WDR47: variants seen among roughly 807,000 people sequenced by gnomAD.
WDR47 encodes WD repeat-containing protein 47.
WDR47 carries 32 observed loss-of-function variants against 97.2 expected under a neutral mutation model. That is an observed-to-expected ratio of 0.33 (90% confidence interval 0.25 to 0.44). The LOEUF is 0.44. Among genes scored for constraint, WDR47 ranks in the 20% least tolerant of loss-of-function variants. The probability of loss-of-function intolerance (pLI) is 1.00; values close to 1 mark genes in which losing one functional copy is unlikely to be tolerated. For missense variants in WDR47, 782 were observed against 1,102.3 expected (o/e 0.71, Z 4.11); for synonymous variants, 375 against 373.5 (o/e 1.00, Z -0.05).
chr1:108,996,770 T>C (rs970143699), intron 7 of WDR47, among the ~76,000 whole-genome samples: 9 of 152,348 alleles, frequency 5.9e-5, no homozygotes, highest in Non-Finnish European at 2.9e-5. Context: ...TGACTCCATA[T>C]TGAGATCAGG....
intron 5 of WDR47, among the ~76,000 whole-genome samples, chr1:109,009,916 T>A (rs1660905552): frequency 6.6e-6 from 1 of 151,936 alleles, no homozygotes; most frequent in African/African-American, 2.4e-5. Context: ...GAGAATTGCT[T>A]GAACCCGGGA....
At chr1:109,034,877 T>C (rs911387987) in intron 1 of WDR47, among the ~76,000 whole-genome samples, 3 of 152,132 alleles carry the variant, frequency 2.0e-5, no homozygotes, top group African/African-American at 7.2e-5. Flanking sequence ...CAGCTATCAA[T>C]AAATATTTGT....
Position 109,010,903 on chromosome 1 carries a change from AC to A in WDR47, c.1130+12del, listed in dbSNP as rs760817418. The A allele has an allele frequency of 6.3e-7, 1 of 1,595,672 alleles. No individual in the cohort carries two copies. The highest frequency in any genetic ancestry group is 1.1e-5 in the South Asian group (1 of 88,492). On this transcript the variant is annotated intron_variant, in intron 5 of 14. Coordinates refer to ENST00000369962, the MANE Select transcript of WDR47 (RefSeq NM_001142551.2). ...GGCCTAAGATTTCCTAATTTTTATAACCAAATGCTTACCGCTCAGGGGATTC... is the reference window on the plus strand; with the variant it reads ...GGCCTAAGATTTCCTAATTTTTATAACAAATGCTTACCGCTCAGGGGATTC...
At chr1:109,037,487 T>A (rs35978562) in intron 1 of WDR47, among the ~76,000 whole-genome samples, 7 of 151,098 alleles carry the variant, frequency 4.6e-5, no homozygotes, top group African/African-American at 1.5e-4. Flanking sequence ...TTAGCCGGGC[T>A]TGGTGGCGGG....
chr1:108,976,653 G>T (rs1017092393), intron 13 of WDR47, among the ~76,000 whole-genome samples: 4 of 151,894 alleles, frequency 2.6e-5, no homozygotes, highest in African/African-American at 9.7e-5. Context: ...ATAGTGATAA[G>T]AGTTCAGTAA....
At chr1:109,001,442 C>A (rs1660181233) in intron 7 of WDR47, among the ~76,000 whole-genome samples, 1 of 151,656 alleles carries the variant, frequency 6.6e-6, no homozygotes, top group African/African-American at 2.4e-5. Flanking sequence ...TACAGCAAAT[C>A]AAAAAAAATC....
intron 13 of WDR47, among the ~76,000 whole-genome samples, chr1:108,980,943 T>G (rs1186835239): frequency 6.6e-6 from 1 of 151,972 alleles, no homozygotes; most frequent in East Asian, 1.9e-4. Context: ...CTGGCCAACA[T>G]GGTGAAACCC....
intron 9 of WDR47, among the ~76,000 whole-genome samples, chr1:108,989,058 C>A (rs1250237047): frequency 6.6e-6 from 1 of 152,090 alleles, no homozygotes; most frequent in East Asian, 1.9e-4. Context: ...CGCCTAGCCT[C>A]ATTTTTACTT....
chr1:109,021,842 T>C (rs112265858), intron 2 of WDR47, among the ~76,000 whole-genome samples: 1 of 151,700 alleles, frequency 6.6e-6, no homozygotes, highest in Non-Finnish European at 1.5e-5. Context: ...TAATTTATTA[T>C]TTATTTAATT....
At chr1:109,024,452 C>CA (rs369765831) in intron 1 of WDR47, among the ~76,000 whole-genome samples, 129 of 144,154 alleles carry the variant, frequency 8.9e-4, no homozygotes, top group Middle Eastern at 3.5e-3. Context: ...GACTCCGTCT[C>CA]AAAAAAAAAA....
chr1:109,000,814 T>C (rs1020251835), intron 7 of WDR47, among the ~76,000 whole-genome samples: 2 of 152,212 alleles, frequency 1.3e-5, no homozygotes, highest in Non-Finnish European at 2.9e-5. Flanking sequence ...TCCAATATTG[T>C]TGAATCAAGT....
intron 4 of WDR47, among the ~76,000 whole-genome samples, chr1:109,013,206 T>C (rs1281168721): frequency 6.6e-6 from 1 of 152,184 alleles, no homozygotes; most frequent in Non-Finnish European, 1.5e-5. Flanking sequence ...ACCTTGATCT[T>C]GGACTTTCCA....
At chr1:109,000,513 A>AAAG (rs1000092871) in intron 7 of WDR47, among the ~76,000 whole-genome samples, 7 of 148,004 alleles carry the variant, frequency 4.7e-5, no homozygotes, top group African/African-American at 1.5e-4. Flanking sequence ...TGTCTCAAAA[A>AAAG]AAAAAAAAAA....
At position 108,975,642 on chromosome 1, in the gene WDR47, T is replaced by C. The variant is rs115706763; in HGVS notation, c.2399-888A>G. The stretch of plus-strand genomic sequence containing the variant: ...TCTCAAAAAAAAATAATAAATTTTT[T>C]TGAGACAGAGTGAGACCCTGTCTCA... On this transcript the variant is annotated intron_variant, in intron 13 of 14. Coordinates refer to ENST00000369962, the MANE Select transcript of WDR47 (RefSeq NM_001142551.2). Among the ~76,000 whole-genome samples, 432 of 151,442 alleles carry C rather than the reference T, an allele frequency of 2.9e-3. 4 individuals are homozygous for C. The highest frequency in any genetic ancestry group is 0.01 in the African/African-American group (416 of 41,322).
chr1:108,983,082 A>T (rs1397156989), intron 11 of WDR47, among the ~76,000 whole-genome samples, 200 bp downstream of exon 11: 1 of 152,240 alleles, frequency 6.6e-6, no homozygotes, highest in Non-Finnish European at 1.5e-5. Context: ...TAAAACTCAA[A>T]CACCACCTAG....
chr1:109,038,579 TGAGGTAG>T (rs200035991), intron 1 of WDR47, among the ~76,000 whole-genome samples: 8,521 of 151,984 alleles, frequency 0.056, 257 homozygotes, highest in Non-Finnish European at 0.062. Context: ...CTCGGGAGGC[TGAGGTAG>T]GAGGATCACT....
At chr1:109,028,780 G>C (rs1309188661) in intron 1 of WDR47, among the ~76,000 whole-genome samples, 1 of 151,916 alleles carries the variant, frequency 6.6e-6, no homozygotes, top group South Asian at 2.1e-4. Flanking sequence ...AAACATTTTT[G>C]AGGTTAATTT....
chr1:108,972,777 C>A (rs1407293816), intron 14 of WDR47, among the ~76,000 whole-genome samples: 1 of 152,052 alleles, frequency 6.6e-6, no homozygotes, highest in Non-Finnish European at 1.5e-5. Context: ...GAAACTCTGT[C>A]TCTACTAAAA....
intron 1 of WDR47, among the ~76,000 whole-genome samples, chr1:109,030,714 T>C (rs1159308492): frequency 9.4e-6 from 1 of 106,428 alleles, no homozygotes; most frequent in South Asian, 2.8e-4. Flanking sequence ...AGCTTTTCAA[T>C]AAAATACCAA....
Sources: allele counts gnomAD v4.1 joint callset (sites outside exome capture counted in the v4.1 genomes callset), GRCh38; gene constraint gnomAD v4.1.1; transcripts MANE v1.5; gene names NCBI Gene and HGNC (gene_info 2026-07-23, HGNC 2026-07-21).